CTNNA2: variants seen among roughly 807,000 people sequenced by gnomAD.
CTNNA2 encodes catenin alpha 2, also known as catenin alpha-2.
Under a neutral mutation model 101.0 loss-of-function variants are expected in CTNNA2, and 42 were observed. The observed-to-expected ratio is 0.42, with a 90% CI of 0.32 to 0.54. The LOEUF is 0.54. Ranked by LOEUF, CTNNA2 falls within the 20% of genes least tolerant of loss-of-function variation. The pLI, the probability that CTNNA2 is intolerant of heterozygous loss-of-function variation, is 0.14. For synonymous variants in CTNNA2, 450 were observed against 456.4 expected (o/e 0.99, Z 0.18); for missense variants, 871 against 1,223.1 (o/e 0.71, Z 4.29).
chr2:80,367,065 A>G (rs1339311825), intron 7 of CTNNA2, among the ~76,000 whole-genome samples: 3 of 151,480 alleles, frequency 2.0e-5, no homozygotes, highest in Non-Finnish European at 4.4e-5. Context: ...TCAGATACAC[A>G]TGTATCTCAA....
At chr2:80,245,623 T>G (rs945873117) in intron 7 of CTNNA2, among the ~76,000 whole-genome samples, 1 of 151,966 alleles carries the variant, frequency 6.6e-6, no homozygotes, top group African/African-American at 2.4e-5. Context: ...TTCCTGCCCC[T>G]TCTCTAAGAC....
intron 2 of CTNNA2, among the ~76,000 whole-genome samples, chr2:79,662,043 CAACATTA>C (rs1682073646): frequency 6.6e-6 from 1 of 150,856 alleles, no homozygotes; most frequent in Non-Finnish European, 1.5e-5. Context: ...GAAGAGCTAC[CAACATTA>C]AACAGACAAA....
intron 4 of CTNNA2, among the ~76,000 whole-genome samples, chr2:79,474,751 G>A (rs981807594): frequency 6.6e-6 from 1 of 152,124 alleles, no homozygotes; most frequent in African/African-American, 2.4e-5. Context: ...GTTTAAAATA[G>A]TATTTTACAC....
At chr2:79,415,305 A>G (rs1163855893) in intron 4 of CTNNA2, among the ~76,000 whole-genome samples, 4 of 152,160 alleles carry the variant, frequency 2.6e-5, no homozygotes, top group African/African-American at 7.2e-5. Context: ...GCCTTCTGCC[A>G]TGTTTGTAAG....
intron 7 of CTNNA2, among the ~76,000 whole-genome samples, chr2:79,926,596 ATAAT>A (rs534042311): frequency 6.8e-4 from 103 of 152,232 alleles, no homozygotes; most frequent in Middle Eastern, 6.8e-3. Context: ...AAAGGAAATG[ATAAT>A]TAATGAACTT....
chr2:80,338,799 T>C (rs1671978982), intron 7 of CTNNA2, among the ~76,000 whole-genome samples: 2 of 152,144 alleles, frequency 1.3e-5, no homozygotes, highest in South Asian at 4.1e-4. Flanking sequence ...TTGAGAGAGC[T>C]AGGCTTGTGA....
At chr2:80,353,129 C>T (rs907547378) in intron 7 of CTNNA2, among the ~76,000 whole-genome samples, 5 of 152,010 alleles carry the variant, frequency 3.3e-5, no homozygotes, top group African/African-American at 4.8e-5. Context: ...TTTATCATGG[C>T]CAGAGCGATC....
Position 79,480,638 on chromosome 2 carries a change from T to C in CTNNA2, c.-134-24416T>C, listed in dbSNP as rs562611535. 2.0e-5 allele frequency among the ~76,000 whole-genome samples: 3 copies of C among 152,322 alleles called. No homozygotes were observed. In the South Asian group the frequency reaches 6.2e-4, roughly 32 times the overall value. ...CTGAATTCTTAGATAATTCCTCAAG[T>C]TAATTTACTAATCTCTTTGTTAGCA... On this transcript the variant is annotated intron_variant, in intron 4 of 21. Coordinates refer to the CTNNA2 transcript ENST00000466387.
chr2:79,744,673 G>A, intron 3 of CTNNA2, 91 bp downstream of exon 3: 1 of 1,256,396 alleles, frequency 8.0e-7, no homozygotes. Context: ...TTTACTCAAA[G>A]AAGAAGTCTT....
At chr2:79,885,298 A>G (rs997294637) in intron 6 of CTNNA2, among the ~76,000 whole-genome samples, 1 of 152,176 alleles carries the variant, frequency 6.6e-6, no homozygotes, top group African/African-American at 2.4e-5. Flanking sequence ...TTGTGCCTCC[A>G]TTTCAAATGC....
intron 7 of CTNNA2, among the ~76,000 whole-genome samples, chr2:80,380,996 C>T (rs1044022312): frequency 6.6e-6 from 1 of 152,018 alleles, no homozygotes; most frequent in Non-Finnish European, 1.5e-5. Context: ...ACAAAAATTC[C>T]ATTTTGCCTC....
chr2:80,215,548 GT>G (rs1307277875), intron 7 of CTNNA2, among the ~76,000 whole-genome samples: 1 of 152,180 alleles, frequency 6.6e-6, no homozygotes, highest in African/African-American at 2.4e-5. Flanking sequence ...GTTTGCCTGG[GT>G]AACACCAGCT....
intron 7 of CTNNA2, among the ~76,000 whole-genome samples, chr2:80,294,641 A>C (rs899503087): frequency 1.3e-5 from 2 of 152,016 alleles, no homozygotes; most frequent in African/African-American, 2.4e-5. Context: ...AGCTTAAAAA[A>C]AATAATAATA....
intron 7 of CTNNA2, among the ~76,000 whole-genome samples, chr2:80,382,385 A>C (rs1042296127): frequency 6.6e-6 from 1 of 152,074 alleles, no homozygotes; most frequent in Non-Finnish European, 1.5e-5. Flanking sequence ...GCTCATGACA[A>C]GTTTCTGAAC....
chr2:79,464,558 C>T lies in CTNNA2; in HGVS notation c.-134-40496C>T, dbSNP rs1439506712. ...GTTCTAGATCCCTGAGGAATCACCA[C>T]ACTGTCTTCCACAATGGTTGAACTA... On this transcript the variant is annotated intron_variant, in intron 4 of 21. Coordinates refer to the CTNNA2 transcript ENST00000466387. Among the ~76,000 whole-genome samples the T allele has an allele frequency of 2.6e-5, 4 of 152,176 alleles. No homozygotes were observed. The East Asian group carries it at 5.8e-4, about 22-fold the overall frequency.
intron 7 of CTNNA2, among the ~76,000 whole-genome samples, chr2:80,283,713 A>G (rs1001771679): frequency 2.2e-4 from 34 of 152,258 alleles, no homozygotes; most frequent in African/African-American, 7.7e-4. Context: ...GAGAAGCTGG[A>G]AAGAGTGCCC....
intron 2 of CTNNA2, among the ~76,000 whole-genome samples, chr2:79,233,909 T>C (rs1674526074): frequency 6.6e-6 from 1 of 151,428 alleles, no homozygotes; most frequent in South Asian, 2.1e-4. Flanking sequence ...TTATTCTCCG[T>C]TCCTTTACTT....
At position 79,540,466 on chromosome 2, in the gene CTNNA2, T is replaced by A. The variant is rs1005468768; in HGVS notation, c.-6+27259T>A. ...TAGAAGAGAAGCAGAGTTTTGCCCC[T>A]CAGCTGACTCCATCTCCGTTTGGAC... On this transcript the variant is annotated intron_variant, in intron 1 of 18. Transcript: ENST00000402739. Among the ~76,000 whole-genome samples, 3 of 152,166 alleles carry A rather than the reference T, an allele frequency of 2.0e-5. No individual in the cohort carries two copies. The South Asian group carries it at 6.2e-4, about 32-fold the overall frequency.
At chr2:79,665,130 G>T (rs73938774) in intron 2 of CTNNA2, among the ~76,000 whole-genome samples, 1,522 of 151,978 alleles carry the variant, frequency 0.01, 19 homozygotes, top group African/African-American at 0.035. Flanking sequence ...AAAACCCTGG[G>T]TCTCTCATTT....
Sources: allele counts gnomAD v4.1 joint callset (sites outside exome capture counted in the v4.1 genomes callset), GRCh38; gene constraint gnomAD v4.1.1; transcripts MANE v1.5; gene names NCBI Gene and HGNC (gene_info 2026-07-23, HGNC 2026-07-21).